The following MGST1 variants were observed in gnomAD, a reference collection of about 807,000 sequenced individuals.
MGST1 encodes microsomal glutathione S-transferase 1, also known as glutathione S-transferase 12.
A neutral mutation model predicts 8.9 loss-of-function variants in MGST1; 5 were observed. The ratio of observed to expected loss-of-function variants is 0.56; its 90% CI spans 0.29 to 1.19. The LOEUF (loss-of-function observed/expected upper bound fraction) is 1.19. MGST1 is among the 50% of genes most tolerant of loss of function. The pLI, the probability that MGST1 is intolerant of heterozygous loss-of-function variation, is 0.08. For synonymous variants in MGST1, 54 were observed against 67.8 expected (o/e 0.80, Z 1.00); for missense variants, 182 against 187.4 (o/e 0.97, Z 0.17).
chr12:16,580,960 G>A (rs1177072579), intron 4 of MGST1, among the ~76,000 whole-genome samples: 1 of 152,164 alleles, frequency 6.6e-6, no homozygotes, highest in Non-Finnish European at 1.5e-5. Context: ...CAGACATTCA[G>A]TCATCCCTCA....
chr12:16,571,273 G>C (rs374069557), intron 4 of MGST1, among the ~76,000 whole-genome samples: 3 of 152,094 alleles, frequency 2.0e-5, no homozygotes, highest in Non-Finnish European at 2.9e-5. Flanking sequence ...CGTTACAAAG[G>C]CATCAGTATT....
At chr12:16,465,581 C>T (rs994463104) in intron 4 of MGST1, among the ~76,000 whole-genome samples, 2 of 152,104 alleles carry the variant, frequency 1.3e-5, no homozygotes, top group Admixed American at 6.6e-5. Flanking sequence ...CTAGGTTGCA[C>T]GCTCCTTATA....
At chr12:16,421,906 A>G (rs1940839359) in intron 1 of MGST1, among the ~76,000 whole-genome samples, 1 of 152,152 alleles carries the variant, frequency 6.6e-6, no homozygotes, top group Non-Finnish European at 1.5e-5. Flanking sequence ...TTCTGGTTTC[A>G]TTGAGGGATG....
intron 3 of MGST1, chr12:16,376,056 G>A: frequency 9.3e-7 from 1 of 1,071,732 alleles, no homozygotes; most frequent in Non-Finnish European, 1.3e-6. Flanking sequence ...TGTATTTTAT[G>A]TGTTCACGTG....
intron 4 of MGST1, among the ~76,000 whole-genome samples, chr12:16,525,157 T>A (rs1310378334): frequency 1.3e-5 from 2 of 152,058 alleles, no homozygotes; most frequent in Non-Finnish European, 2.9e-5. Flanking sequence ...AATTTTTTTT[T>A]ATTATACTTT....
Position 16,394,396 on chromosome 12 carries a change from CTCTTTCTT to C in MGST1, n.778+10804_778+10811del, listed in dbSNP as rs751234596. On this transcript the variant is annotated intron_variant and non_coding_transcript_variant, in intron 1 of 1. Coordinates refer to the MGST1 transcript ENST00000359720. ...TCTTTCTCTTTCTTTTTCTTTCTCTCTCTTTCTTTCTTTCTTTCTCACTCTCTTCCTCC... is the reference window on the plus strand; with the variant it reads ...TCTTTCTCTTTCTTTTTCTTTCTCTCTCTTTCTTTCTCACTCTCTTCCTCC... Among the ~76,000 whole-genome samples, 8 of 150,234 alleles carry C rather than the reference CTCTTTCTT, an allele frequency of 5.3e-5. No homozygotes were observed. The Middle Eastern group carries it at 0.01, about 194-fold the overall frequency.
At chr12:16,583,713 G>A (rs941970574) in intron 4 of MGST1, among the ~76,000 whole-genome samples, 11 of 152,176 alleles carry the variant, frequency 7.2e-5, no homozygotes, top group African/African-American at 2.7e-4. Flanking sequence ...CTGTAGGAAT[G>A]GATTGAAAAA....
chr12:16,402,151 T>C (rs1204262962), intron 1 of MGST1: 1 of 1,538,400 alleles, frequency 6.5e-7, no homozygotes, highest in Non-Finnish European at 9.0e-7. Flanking sequence ...TTGCCCTTAG[T>C]GTTGGCAATT....
chr12:16,561,055 C>A (rs1337393766), intron 4 of MGST1, among the ~76,000 whole-genome samples: 1 of 152,074 alleles, frequency 6.6e-6, no homozygotes, highest in Admixed American at 6.6e-5. Context: ...CCTTATGGCT[C>A]TATACCATAG....
At chr12:16,448,936 G>T (rs373101740) in intron 4 of MGST1, among the ~76,000 whole-genome samples, 1 of 151,768 alleles carries the variant, frequency 6.6e-6, no homozygotes, top group East Asian at 1.9e-4. Flanking sequence ...AAGAAGAGAG[G>T]GGGAAGGTTA....
intron 1 of MGST1, among the ~76,000 whole-genome samples, chr12:16,425,253 T>G (rs534956014): frequency 1.3e-5 from 2 of 152,272 alleles, no homozygotes; most frequent in Non-Finnish European, 2.9e-5. Flanking sequence ...CATAAAAATA[T>G]AAATATTTTT....
In MGST1 at chr12:16,527,683, A is replaced by G. The variant is rs527367761; in HGVS notation, n.483-61845A>G. Reference sequence around the variant, plus strand: ...TTTGCTCTATTAGGTTGCTAAGACTACCAAACTTCAAGTGTACATCATGGG... The same window carrying G: ...TTTGCTCTATTAGGTTGCTAAGACTGCCAAACTTCAAGTGTACATCATGGG... On this transcript the variant is annotated intron_variant and non_coding_transcript_variant, in intron 4 of 4. Transcript: ENST00000538857. 6.6e-5 allele frequency among the ~76,000 whole-genome samples: 10 copies of G among 152,120 alleles called. No individual in the cohort carries two copies. The East Asian group carries it at 7.8e-4, about 12-fold the overall frequency.
intron 1 of MGST1, among the ~76,000 whole-genome samples, chr12:16,386,487 C>G (rs1366550589): frequency 1.3e-5 from 2 of 152,214 alleles, no homozygotes; most frequent in Non-Finnish European, 2.9e-5. Flanking sequence ...ATCTTTCCAA[C>G]TTGCATCATT....
intron 2 of MGST1, 45 bp from the exon 3 acceptor site, chr12:16,357,560 C>T (rs765451641): frequency 1.4e-6 from 2 of 1,471,756 alleles, no homozygotes; most frequent in Non-Finnish European, 9.4e-7. Flanking sequence ...GCTATTGCTC[C>T]TGGCCAGTAT....
At chr12:16,348,533 G>A (rs2136899442) in intron 1 of MGST1, among the ~76,000 whole-genome samples, 1 of 152,258 alleles carries the variant, frequency 6.6e-6, no homozygotes, top group East Asian at 1.9e-4. Flanking sequence ...GGCAGTCTGA[G>A]CTCCACGTTT....
At chr12:16,418,058 CACAT>C (rs1234578933) in intron 1 of MGST1, among the ~76,000 whole-genome samples, 1 of 152,046 alleles carries the variant, frequency 6.6e-6, no homozygotes, top group Non-Finnish European at 1.5e-5. Flanking sequence ...TGGCTGACTG[CACAT>C]ACATCTCTTC....
chr12:16,541,346 C>T (rs986665970), intron 4 of MGST1, among the ~76,000 whole-genome samples: 2 of 152,110 alleles, frequency 1.3e-5, no homozygotes, highest in Admixed American at 1.3e-4. Flanking sequence ...TCTTTTATAT[C>T]TAAGGCAAGG....
intron 4 of MGST1, among the ~76,000 whole-genome samples, chr12:16,566,435 A>G (rs530157515): frequency 2.6e-5 from 4 of 152,094 alleles, no homozygotes; most frequent in Admixed American, 6.6e-5. Context: ...AATGATAAAT[A>G]ATGTATGAGG....
At chr12:16,505,280 G>A (rs1250375460) in intron 4 of MGST1, among the ~76,000 whole-genome samples, 1 of 152,098 alleles carries the variant, frequency 6.6e-6, no homozygotes, top group Non-Finnish European at 1.5e-5. Flanking sequence ...AGCATATAAA[G>A]TTTTATATTC....
Sources: gnomAD v4.1 joint callset for allele counts (sites outside exome capture counted in the v4.1 genomes callset) on GRCh38, gnomAD v4.1.1 for gene constraint, MANE v1.5 for transcripts, NCBI Gene and HGNC (gene_info 2026-07-23, HGNC 2026-07-21) for gene names.